The following VPS36 variants were observed in gnomAD, a reference collection of about 807,000 sequenced individuals.
The protein encoded by VPS36 is vacuolar protein-sorting-associated protein 36.
VPS36 carries 31 observed loss-of-function variants against 63.5 expected under a neutral mutation model. That is an observed-to-expected ratio of 0.49 (90% CI 0.37 to 0.66). The LOEUF is 0.66. VPS36 is among the 30% of genes least tolerant of loss of function. VPS36 has a pLI of 0.00. For synonymous variants in VPS36, 138 were observed against 157.2 expected (o/e 0.88, Z 0.91); for missense variants, 338 against 463.7 (o/e 0.73, Z 2.49).
chr13:52,421,867 G>C (rs1285613561), intron 10 of VPS36, among the ~76,000 whole-genome samples: 1 of 151,838 alleles, frequency 6.6e-6, no homozygotes, highest in African/African-American at 2.4e-5. Flanking sequence ...ATATTTATGG[G>C]GTACAGGGGC....
intron 4 of VPS36, chr13:52,436,084 A>C (rs1454829189): frequency 7.0e-6 from 3 of 428,864 alleles, no homozygotes; most frequent in Admixed American, 7.4e-5. Flanking sequence ...TCTGCTTCCC[A>C]TTCCCACTGA....
intron 10 of VPS36, among the ~76,000 whole-genome samples, chr13:52,419,919 T>C (rs1389075710): frequency 1.3e-5 from 2 of 152,046 alleles, no homozygotes; most frequent in Non-Finnish European, 2.9e-5. Context: ...AAAGAGAGGT[T>C]GGTTTAATGG....
At chr13:52,449,903 C>T in intron 1 of VPS36, 1 of 985,070 alleles carries the variant, frequency 1.0e-6, no homozygotes, top group Non-Finnish European at 1.2e-6. Flanking sequence ...TAGCCTTTGG[C>T]AAGGGCATTC....
intron 12 of VPS36, 105 bp from the exon 13 acceptor site, chr13:52,416,198 G>T: frequency 9.5e-7 from 1 of 1,049,272 alleles, no homozygotes. Flanking sequence ...GTATATGCAA[G>T]AAATAATTTA....
At chr13:52,440,239 A>G (rs942437603) in intron 2 of VPS36, among the ~76,000 whole-genome samples, 1 of 152,114 alleles carries the variant, frequency 6.6e-6, no homozygotes, top group Non-Finnish European at 1.5e-5. Flanking sequence ...TCGGCCTCCC[A>G]AAGTACTGGG....
chr13:52,428,553 T>A (rs1271096473), intron 6 of VPS36, among the ~76,000 whole-genome samples: 2 of 152,212 alleles, frequency 1.3e-5, no homozygotes, highest in African/African-American at 4.8e-5. Flanking sequence ...AAACACTGGA[T>A]TCTTATCAGC....
In VPS36 at chr13:52,417,076, A is replaced by AC; in HGVS notation, c.970dup (p.Val324GlyfsTer21). ...ACATACTGTCTCCAGGGCCGAGGCC[A>AC]CCATTTCCTCTTCCTTGTGAGACTG... is the stretch of plus-strand genomic sequence containing the variant. On this transcript the variant is annotated frameshift_variant, in exon 12 of 14. Coordinates refer to ENST00000378060, the MANE Select transcript of VPS36 (RefSeq NM_016075.4). LOFTEE classifies it high-confidence loss of function. 1.2e-6 allele frequency: 2 copies of AC among 1,614,098 alleles called. No individual in the cohort carries two copies. The highest frequency in any genetic ancestry group is 1.7e-6 in the Non-Finnish European group (2 of 1,179,994).
chr13:52,438,555 T>C (rs1394225380), intron 3 of VPS36, among the ~76,000 whole-genome samples: 1 of 152,238 alleles, frequency 6.6e-6, no homozygotes, highest in African/African-American at 2.4e-5. Context: ...ACTTAAAATA[T>C]AAAGCCAAGT....
chr13:52,416,535 A>C (rs1362904663), intron 12 of VPS36, among the ~76,000 whole-genome samples: 1 of 152,208 alleles, frequency 6.6e-6, no homozygotes, highest in African/African-American at 2.4e-5. Flanking sequence ...AATAAATATA[A>C]GTTATTCAAA....
chr13:52,431,001 C>A (rs955998296), intron 6 of VPS36, among the ~76,000 whole-genome samples: 2 of 151,788 alleles, frequency 1.3e-5, no homozygotes, highest in Non-Finnish European at 2.9e-5. Context: ...GGAAGACAAA[C>A]ATGGCAGATA....
intron 1 of VPS36, 57 bp downstream of exon 1, chr13:52,450,442 C>G (rs1958390723): frequency 6.6e-7 from 1 of 1,519,032 alleles, no homozygotes; most frequent in Admixed American, 2.0e-5. Context: ...AGCCGGGCCG[C>G]GCGCCCACCG....
At chr13:52,450,260 G>A in intron 1 of VPS36, 1 of 1,130,750 alleles carries the variant, frequency 8.8e-7, no homozygotes, top group Non-Finnish European at 1.1e-6. Context: ...GCGCCTGCTG[G>A]GAACCGTGCC....
rs746102590 is a variant in VPS36 at position 52,439,097 on chromosome 13, C to T, written c.236+1G>A. On this transcript the variant is annotated splice_donor_variant, in intron 3 of 13. Transcript: ENST00000378060. LOFTEE classifies it high-confidence loss of function. ...AAAGACTGTGCTATACACAGACTTA[C>T]CTCTTCCCAATTCCAGCCGCCTGTT... is the stretch of plus-strand genomic sequence containing the variant. The T allele has an allele frequency of 1.1e-5, 18 of 1,613,268 alleles. No homozygotes were observed. In the Admixed American group the frequency reaches 2.5e-4, roughly 22 times the overall value.
At chr13:52,417,377 T>A (rs1439284336) in intron 11 of VPS36, among the ~76,000 whole-genome samples, 5 of 152,178 alleles carry the variant, frequency 3.3e-5, no homozygotes, top group African/African-American at 7.2e-5. Flanking sequence ...GCTTTTTTTT[T>A]AGAAGGAATT....
chr13:52,427,293 T>C, intron 6 of VPS36, 74 bp from the exon 7 acceptor site: 3 of 1,523,258 alleles, frequency 2.0e-6, no homozygotes, highest in Non-Finnish European at 1.8e-6. Context: ...AAGCACCCTC[T>C]ATTTTTTCCC....
chr13:52,450,208 G>T (rs1958387630), intron 1 of VPS36: 1 of 1,053,578 alleles, frequency 9.5e-7, no homozygotes, highest in Non-Finnish European at 1.1e-6. Context: ...GCAGCTGTGC[G>T]CTCCCGGAAG....
At chr13:52,436,218 A>AAC (rs150816705) in intron 4 of VPS36, 72 bp downstream of exon 4, 36,517 of 640,510 alleles carry the variant, frequency 0.057, 303 homozygotes, top group South Asian at 0.076. Flanking sequence ...AACAAGCCAC[A>AAC]ACACACACAC....
intron 9 of VPS36, among the ~76,000 whole-genome samples, chr13:52,424,462 C>T (rs1958076146): frequency 6.6e-6 from 1 of 151,946 alleles, no homozygotes; most frequent in African/African-American, 2.4e-5. Context: ...TTAAAAAAAC[C>T]CTAACAAACC....
intron 11 of VPS36, 38 bp from the exon 12 acceptor site, chr13:52,417,179 T>C (rs1958002234): frequency 1.3e-6 from 2 of 1,574,714 alleles, no homozygotes; most frequent in Middle Eastern, 3.3e-4. Context: ...CCAGGAATTA[T>C]CTAGGATATT....
Sources: allele counts gnomAD v4.1 joint callset (sites outside exome capture counted in the v4.1 genomes callset), GRCh38; gene constraint gnomAD v4.1.1; transcripts MANE v1.5; gene names NCBI Gene and HGNC (gene_info 2026-07-23, HGNC 2026-07-21).